HK1: variants seen among roughly 807,000 people sequenced by gnomAD.
The protein encoded by HK1 is hexokinase 1.
In HK1, 28 loss-of-function variants were observed where a neutral mutation model predicts 91.6. The observed-to-expected ratio is 0.31, with a 90% CI of 0.23 to 0.42. The LOEUF is 0.42. HK1 is among the 10% of genes least tolerant of loss of function. The pLI is 1.00. For synonymous variants in HK1, 430 were observed against 468.1 expected (o/e 0.92, Z 1.05); for missense variants, 770 against 1,219.8 (o/e 0.63, Z 5.49).
chr10:69,340,258 A>T (rs75122460), intron 1 of HK1, among the ~76,000 whole-genome samples: 4,929 of 152,214 alleles, frequency 0.032, 268 homozygotes, highest in African/African-American at 0.11. Flanking sequence ...ATTAAAAAAA[A>T]TTTTTTGAGA....
At chr10:69,315,832 G>T (rs1846608672), upstream of HK1, 2 of 917,002 alleles carry the variant, frequency 2.2e-6, no homozygotes, top group East Asian at 4.8e-5. Flanking sequence ...GCACTGGCTG[G>T]GCATCAGGAC....
intron 2 of HK1, among the ~76,000 whole-genome samples, chr10:69,352,029 G>A (rs1589526865): frequency 6.7e-6 from 1 of 148,358 alleles, no homozygotes; most frequent in African/African-American, 2.5e-5. Context: ...GTCTTGCTCT[G>A]TTGCCCAGGC....
chr10:69,349,369 T>C (rs1401694291), intron 2 of HK1, among the ~76,000 whole-genome samples: 5 of 152,160 alleles, frequency 3.3e-5, no homozygotes, highest in African/African-American at 1.2e-4. Context: ...CTTTGGAAAC[T>C]GCAAACCACC....
upstream of HK1, among the ~76,000 whole-genome samples, chr10:69,311,073 G>A (rs1189893603): frequency 6.7e-6 from 1 of 149,678 alleles, no homozygotes; most frequent in African/African-American, 2.5e-5. Context: ...AAAAAAAAGT[G>A]ATAAGGGGTT....
At chr10:69,376,003 A>G (rs1326561129) in intron 7 of HK1, among the ~76,000 whole-genome samples, 1 of 152,124 alleles carries the variant, frequency 6.6e-6, no homozygotes, top group Non-Finnish European at 1.5e-5. Context: ...GTTTAGGGTA[A>G]CATCAGTGGG....
intron 1 of HK1, among the ~76,000 whole-genome samples, chr10:69,324,212 T>C (rs1334570344): frequency 6.6e-6 from 1 of 152,102 alleles, no homozygotes; most frequent in Non-Finnish European, 1.5e-5. Context: ...AAATGTTTGA[T>C]TTTTTTATTA....
At chr10:69,295,642 G>T (rs752193829) in exon 4 of HK1, 1 of 1,609,554 alleles carries the variant, frequency 6.2e-7, no homozygotes, top group African/African-American at 1.3e-5. Context: ...GGCTACAGCA[G>T]CTGAAAAACC....
intron 1 of HK1, 119 bp downstream of exon 1, chr10:69,319,129 T>C: frequency 8.5e-7 from 1 of 1,182,348 alleles, no homozygotes; most frequent in South Asian, 1.3e-5. Context: ...AGCATCGAGT[T>C]GGACTGCAGG....
At chr10:69,361,412 T>A (rs1206175316) in intron 3 of HK1, among the ~76,000 whole-genome samples, 1 of 152,234 alleles carries the variant, frequency 6.6e-6, no homozygotes, top group Admixed American at 6.5e-5. Flanking sequence ...TCCTTGCAGG[T>A]GGCCAGCAGC....
At chr10:69,324,723 A>T (rs185707882) in intron 1 of HK1, among the ~76,000 whole-genome samples, 11 of 152,230 alleles carry the variant, frequency 7.2e-5, no homozygotes, top group African/African-American at 2.7e-4. Context: ...TAGGCTGCAG[A>T]TGTTAGCTCC....
intron 3 of HK1, among the ~76,000 whole-genome samples, chr10:69,360,864 A>G (rs1021123453): frequency 2.6e-5 from 4 of 152,172 alleles, no homozygotes; most frequent in African/African-American, 9.7e-5. Context: ...TCCTGTAGAC[A>G]TTCTGGCTCC....
intron 1 of HK1, chr10:69,338,184 T>A (rs561386997): frequency 1.0e-6 from 1 of 975,534 alleles, no homozygotes; most frequent in African/African-American, 1.7e-5. Context: ...CCAGGACAAG[T>A]GTCTGGAAAG....
chr10:69,309,342 C>G (rs1270245308), intron 5 of HK1, among the ~76,000 whole-genome samples: 2 of 150,390 alleles, frequency 1.3e-5, no homozygotes, highest in Non-Finnish European at 3.0e-5. Context: ...CCACCACGCC[C>G]GGCTAATTTT....
At chr10:69,378,670 T>C (rs974001453) in intron 8 of HK1, among the ~76,000 whole-genome samples, 3 of 152,142 alleles carry the variant, frequency 2.0e-5, no homozygotes, top group African/African-American at 7.2e-5. Flanking sequence ...CCCTCCCACT[T>C]TGGCCTCCCA....
At chr10:69,382,840 C>G in intron 10 of HK1, 49 bp downstream of exon 10, 1 of 1,583,896 alleles carries the variant, frequency 6.3e-7, no homozygotes, top group South Asian at 1.1e-5. Context: ...CTGCCAGGAA[C>G]TGAGCCGCAG....
At chr10:69,346,383 C>T (rs1848561821) in intron 2 of HK1, among the ~76,000 whole-genome samples, 1 of 152,202 alleles carries the variant, frequency 6.6e-6, no homozygotes, top group East Asian at 1.9e-4. Flanking sequence ...GACCTTGACC[C>T]TGGTCGACTA....
At chr10:69,344,132 C>T (rs892071482) in intron 2 of HK1, 143 bp downstream of exon 2, 9 of 845,830 alleles carry the variant, frequency 1.1e-5, no homozygotes, top group East Asian at 2.6e-5. Context: ...TCCATCCATC[C>T]GCTGATCCAT....
chr10:69,386,548 C>T (rs1254241232), intron 13 of HK1, 130 bp downstream of exon 13: 5 of 654,680 alleles, frequency 7.6e-6, no homozygotes, highest in Non-Finnish European at 1.3e-5. Flanking sequence ...CTTTGGGAGG[C>T]CGAGGCGGGT....
intron 17 of HK1, among the ~76,000 whole-genome samples, chr10:69,399,094 G>A (rs1449810448): frequency 6.6e-6 from 1 of 152,172 alleles, no homozygotes; most frequent in Non-Finnish European, 1.5e-5. Flanking sequence ...ACTCCTCCTG[G>A]TCCCCCTTAG....
Sources: gnomAD v4.1 joint callset for allele counts (sites outside exome capture counted in the v4.1 genomes callset) on GRCh38, gnomAD v4.1.1 for gene constraint, MANE v1.5 for transcripts, NCBI Gene and HGNC (gene_info 2026-07-23, HGNC 2026-07-21) for gene names.